IFT81: variants seen among roughly 807,000 people sequenced by gnomAD.
IFT81 encodes intraflagellar transport 81, also known as intraflagellar transport protein 81 homolog.
Under a neutral mutation model 102.6 loss-of-function variants are expected in IFT81, and 72 were observed. That is an observed-to-expected ratio of 0.70 (90% CI 0.58 to 0.85). IFT81 has a LOEUF of 0.85. Among genes scored for constraint, IFT81 ranks in the 40% least tolerant of loss-of-function variants. The probability of loss-of-function intolerance (pLI) is 0.00; values close to 1 mark genes in which losing one functional copy is unlikely to be tolerated. For missense variants in IFT81, 723 were observed against 787.3 expected, an observed-to-expected ratio of 0.92 and a Z score of 0.98; for synonymous variants, 237 against 242.7, an observed-to-expected ratio of 0.98 and a Z score of 0.22.
At chr12:110,136,924 TA>T (rs1894547212) in intron 8 of IFT81, 64 bp downstream of exon 8, 3 of 1,012,502 alleles carry the variant, frequency 3.0e-6, no homozygotes, top group African/African-American at 1.6e-5. Flanking sequence ...ACGATCTTCC[TA>T]AAAAATCAAT....
At chr12:110,168,537 A>G in intron 11 of IFT81, 1 of 642,110 alleles carries the variant, frequency 1.6e-6, no homozygotes, top group Non-Finnish European at 1.9e-6. Flanking sequence ...TTTAAAAAGT[A>G]TCCTGTTTAT....
chr12:110,174,441 G>A (rs1566143785), intron 11 of IFT81, among the ~76,000 whole-genome samples: 1 of 140,880 alleles, frequency 7.1e-6, no homozygotes, highest in Non-Finnish European at 1.5e-5. Flanking sequence ...GGAGACAAGA[G>A]CAAGACTCCG....
rs748795308 is a variant in IFT81 at position 110,180,429 on chromosome 12, G to A, written c.1196G>A (p.Arg399Gln). ...ATTGTGTTTTTTTTACAGTTCAAACGATATGTCAATAAACTTCGAAGCAAG... is the reference window on the plus strand; with the variant it reads ...ATTGTGTTTTTTTTACAGTTCAAACAATATGTCAATAAACTTCGAAGCAAG... The part of the protein sequence containing the change: ...TEVLKGDEFK[R>Q]YVNKLRSKST... Residue 399 changes from arginine (R) to glutamine (Q), a missense_variant, in exon 12 of 19, where the codon CGA (arginine) becomes CAA (glutamine). Coordinates refer to ENST00000242591, the MANE Select transcript of IFT81 (RefSeq NM_014055.4). The A allele has an allele frequency of 5.0e-6, 8 of 1,595,298 alleles. No individual in the cohort carries two copies. Among genetic ancestry groups the A allele is most frequent in the African/African-American group, 2.7e-5 (2 of 74,590 alleles).
chr12:110,216,843 A>T (rs181455958), intron 18 of IFT81: 2 of 299,818 alleles, frequency 6.7e-6, no homozygotes, highest in East Asian at 2.2e-4. Context: ...GGTGCTTCAT[A>T]ATTATATCTT....
chr12:110,200,655 C>A (rs1898217283), intron 14 of IFT81, among the ~76,000 whole-genome samples: 2 of 151,898 alleles, frequency 1.3e-5, no homozygotes, highest in African/African-American at 4.8e-5. Context: ...CCTTAGCTTA[C>A]CGTAGCTTTC....
chr12:110,131,307 T>A (rs546200314), intron 4 of IFT81, among the ~76,000 whole-genome samples: 35 of 151,990 alleles, frequency 2.3e-4, no homozygotes, highest in South Asian at 6.2e-4. Context: ...AAAACTATTT[T>A]AAAAAATTTT....
intron 14 of IFT81, among the ~76,000 whole-genome samples, chr12:110,197,837 C>T (rs539255649): frequency 6.6e-6 from 1 of 151,960 alleles, no homozygotes; most frequent in Non-Finnish European, 1.5e-5. Flanking sequence ...CTCAGCCTCC[C>T]GAGTACCTGA....
At chr12:110,142,754 G>C (rs927438406) in intron 8 of IFT81, among the ~76,000 whole-genome samples, 1 of 151,844 alleles carries the variant, frequency 6.6e-6, no homozygotes, top group Non-Finnish European at 1.5e-5. Context: ...TTACCTAGGC[G>C]TGGTGATGTA....
chr12:110,205,334 A>G, intron 15 of IFT81, 109 bp from the exon 16 acceptor site: 1 of 1,209,218 alleles, frequency 8.3e-7, no homozygotes, highest in South Asian at 1.8e-5. Flanking sequence ...AAAATTGCAG[A>G]AGAGGAAATG....
At chr12:110,181,530 A>G (rs1190748214) in intron 12 of IFT81, among the ~76,000 whole-genome samples, 1 of 152,182 alleles carries the variant, frequency 6.6e-6, no homozygotes, top group African/African-American at 2.4e-5. Flanking sequence ...ATGGCCCAGC[A>G]TACGGTCTGT....
At chr12:110,161,267 A>G (rs1403236738) in intron 10 of IFT81, among the ~76,000 whole-genome samples, 1 of 151,316 alleles carries the variant, frequency 6.6e-6, no homozygotes, top group East Asian at 1.9e-4. Flanking sequence ...CAGCCTCTCA[A>G]GTATCTGGGA....
At chr12:110,171,620 A>T (rs1896733196) in intron 11 of IFT81, among the ~76,000 whole-genome samples, 1 of 152,158 alleles carries the variant, frequency 6.6e-6, no homozygotes. Context: ...TAGTATTTTT[A>T]TGTGTATTTA....
intron 10 of IFT81, among the ~76,000 whole-genome samples, chr12:110,147,894 A>G (rs1195164915): frequency 6.6e-6 from 1 of 152,210 alleles, no homozygotes; most frequent in Non-Finnish European, 1.5e-5. Flanking sequence ...TAACTTAACC[A>G]CAACATACCA....
intron 12 of IFT81, among the ~76,000 whole-genome samples, chr12:110,182,077 C>T (rs953934722): frequency 2.6e-5 from 4 of 152,188 alleles, no homozygotes; most frequent in African/African-American, 2.4e-5. Context: ...GGTGAGACAC[C>T]TCCCATTTCG....
chr12:110,203,913 C>T lies in IFT81; in HGVS notation c.1607C>T (p.Ala536Val), dbSNP rs750714339. The change falls in exon 15 of 19, where the codon GCA becomes GTA. Residue 536 changes from alanine to valine, a missense_variant. Coordinates refer to ENST00000242591, the MANE Select transcript of IFT81 (RefSeq NM_014055.4). ...DEKKSQYDSC[A>V]AGLESNRSKL... ...AAGAAATCCCAGTATGATAGCTGTGCAGCAGGCCTCGAAAGCAATCGGTCC... is the reference window on the plus strand; with the variant it reads ...AAGAAATCCCAGTATGATAGCTGTGTAGCAGGCCTCGAAAGCAATCGGTCC... 3.1e-6 allele frequency: 5 copies of T among 1,613,566 alleles called. No individual in the cohort carries two copies. The highest frequency in any genetic ancestry group is 2.2e-5 in the South Asian group (2 of 91,064).
intron 18 of IFT81, among the ~76,000 whole-genome samples, chr12:110,211,314 T>C (rs1566174050): frequency 6.6e-6 from 1 of 151,372 alleles, no homozygotes; most frequent in South Asian, 2.1e-4. Context: ...CTCAGCGGAC[T>C]ACAGGAGTGC....
intron 11 of IFT81, among the ~76,000 whole-genome samples, chr12:110,172,367 T>C (rs1452114027): frequency 8.1e-6 from 1 of 124,176 alleles, no homozygotes; most frequent in African/African-American, 3.3e-5. Flanking sequence ...ATGGTCTCCC[T>C]CTCCCCACGG....
At chr12:110,167,836 T>A (rs575733258) in intron 11 of IFT81, 13 of 310,886 alleles carry the variant, frequency 4.2e-5, no homozygotes, top group African/African-American at 1.2e-4. Context: ...AATTTTTTTT[T>A]ATTTAGGTTT....
chr12:110,149,000 TTA>T (rs1895376944), intron 10 of IFT81, among the ~76,000 whole-genome samples: 1 of 152,320 alleles, frequency 6.6e-6, no homozygotes, highest in East Asian at 1.9e-4. Flanking sequence ...ATCCTAGACA[TTA>T]TAAGTTTTAA....
Sources: allele counts gnomAD v4.1 joint callset (sites outside exome capture counted in the v4.1 genomes callset), GRCh38; gene constraint gnomAD v4.1.1; transcripts MANE v1.5; gene names NCBI Gene and HGNC (gene_info 2026-07-23, HGNC 2026-07-21).